Variants in C12orf76 observed in about 807,000 individuals in gnomAD.
C12orf76 encodes chromosome 12 open reading frame 76, also known as uncharacterized protein C12orf76.
A neutral mutation model predicts 6.8 loss-of-function variants in C12orf76; 6 were observed. That is an observed-to-expected ratio of 0.88 (90% CI 0.48 to 1.73). The LOEUF is 1.73. C12orf76 is among the 40% of genes most tolerant of loss of function. The pLI, the probability that C12orf76 is intolerant of heterozygous loss-of-function variation, is 0.01. For synonymous variants in C12orf76, 56 were observed against 43.7 expected, an observed-to-expected ratio of 1.28 and a Z score of -1.11; for missense variants, 99 against 98.2, an observed-to-expected ratio of 1.01 and a Z score of -0.03.
Position 110,072,836 on chromosome 12 carries a change from G to A in C12orf76, n.213+586C>T, listed in dbSNP as rs186316363. 3.3e-3 allele frequency among the ~76,000 whole-genome samples: 505 copies of A among 151,776 alleles called. 5 individuals are homozygous for A. Among genetic ancestry groups the A allele is most frequent in the African/African-American group, 0.01 (421 of 41,378 alleles). ...TTACTTGGTGGCGGGGGAGGATAGC[G>A]TGTGGGCAGGTGGAGGCAGGCGAAT... On this transcript the variant is annotated intron_variant and non_coding_transcript_variant, in intron 1 of 1. Coordinates refer to the C12orf76 transcript ENST00000548936.
chr12:110,068,289 G>GAAGAAA (rs1892910148), upstream of C12orf76, among the ~76,000 whole-genome samples: 3 of 144,430 alleles, frequency 2.1e-5, 1 homozygote, highest in South Asian at 4.5e-4. Context: ...AGAAGAAGAA[G>GAAGAAA]AAGAAGAAGA....
At chr12:110,051,864 C>CCCA (rs111520344), upstream of C12orf76, among the ~76,000 whole-genome samples, 435 of 151,938 alleles carry the variant, frequency 2.9e-3, 2 homozygotes, top group African/African-American at 9.9e-3. Context: ...TCCAGAAACA[C>CCCA]CCACCTGCTT....
chr12:110,068,313 G>GAAGAAGAAGAAA (rs1342476917), upstream of C12orf76, among the ~76,000 whole-genome samples: 106 of 145,878 alleles, frequency 7.3e-4, no homozygotes, highest in African/African-American at 2.6e-3. Flanking sequence ...AGAAGAAGAA[G>GAAGAAGAAGAAA]AAGAAGAAGA....
At position 110,042,327 on chromosome 12, in the gene C12orf76, A is replaced by C. The variant is rs1456804871; in HGVS notation, c.*47T>G. ...ACTTCTCCACTGGCCTGTGTGCAAC[A>C]CAACTTATCCTATTCCCAAATACTC... On this transcript the variant is annotated 3_prime_UTR_variant, in exon 2 of 2. Coordinates refer to ENST00000615315, the MANE Select transcript of C12orf76 (RefSeq NM_001389625.1). 6.5e-7 allele frequency: 1 copy of C among 1,536,404 alleles called. No individual in the cohort carries two copies. The highest frequency in any genetic ancestry group is 9.0e-7 in the Non-Finnish European group (1 of 1,110,348).
upstream of C12orf76, among the ~76,000 whole-genome samples, chr12:110,070,237 CAAA>C (rs777312169): frequency 9.6e-6 from 1 of 103,900 alleles, no homozygotes. Flanking sequence ...GACCCCATTT[CAAA>C]AAAAAAAAAA....
intron 1 of C12orf76, among the ~76,000 whole-genome samples, chr12:110,043,845 ACT>A (rs1010281805): frequency 4.7e-5 from 6 of 127,212 alleles, no homozygotes; most frequent in African/African-American, 1.5e-4. Context: ...ATAGAGGGAG[ACT>A]CTGTCTCAAA....
chr12:110,064,940 C>A (rs1421777697), intron 2 of C12orf76, among the ~76,000 whole-genome samples: 2 of 152,150 alleles, frequency 1.3e-5, no homozygotes, highest in African/African-American at 4.8e-5. Context: ...GATACCAAGG[C>A]AGCTTTTCAT....
At chr12:110,063,429 C>T (rs937763594) in intron 2 of C12orf76, among the ~76,000 whole-genome samples, 1 of 149,648 alleles carries the variant, frequency 6.7e-6, no homozygotes, top group South Asian at 2.1e-4. Context: ...ATTACAGGTG[C>T]CTACCACTAC....
At chr12:110,072,633 C>T, upstream of C12orf76, among the ~76,000 whole-genome samples, 1 of 151,428 alleles carries the variant, frequency 6.6e-6, no homozygotes, top group East Asian at 2.0e-4. Context: ...TTAGAAAAAA[C>T]AAAAACCAGC....
chr12:110,042,674 G>T (rs1232251812), intron 1 of C12orf76: 4 of 516,036 alleles, frequency 7.8e-6, no homozygotes, highest in Admixed American at 2.9e-5. Context: ...GATATACCGT[G>T]AAAAAAAAAA....
At chr12:110,057,115 G>T in intron 4 of C12orf76, 1 of 994,124 alleles carries the variant, frequency 1.0e-6, no homozygotes, top group Non-Finnish European at 1.6e-6. Context: ...TGGAGACGAA[G>T]GTGTCCACCA....
At chr12:110,067,145 A>G (rs1488819780) in intron 1 of C12orf76, among the ~76,000 whole-genome samples, 1 of 152,178 alleles carries the variant, frequency 6.6e-6, no homozygotes, top group Non-Finnish European at 1.5e-5. Context: ...CAATCTTCCC[A>G]TGGCTTCTCA....
At position 110,042,530 on chromosome 12, in the gene C12orf76, G is replaced by T. The variant is rs577827784; in HGVS notation, c.134-71C>A. On this transcript the variant is annotated intron_variant, in intron 1 of 1. Transcript: ENST00000615315. Reference sequence around the variant, plus strand: ...GGCAATTCATCCACTCACTGCCAATGATTTATCAAATGCCACTTGCTGCCA... The same window carrying T: ...GGCAATTCATCCACTCACTGCCAATTATTTATCAAATGCCACTTGCTGCCA... 28 of 978,898 alleles carry T rather than the reference G, an allele frequency of 2.9e-5. No homozygotes were observed. In the African/African-American group the frequency reaches 4.1e-4, roughly 14 times the overall value. The allele number at this position is 978,898 out of a possible 1,614,324, so 60.6% of individuals were successfully genotyped here.
chr12:110,060,582 A>C (rs1892752929), intron 2 of C12orf76, among the ~76,000 whole-genome samples: 1 of 152,076 alleles, frequency 6.6e-6, no homozygotes, highest in South Asian at 2.1e-4. Flanking sequence ...ACTCCTTCTC[A>C]GAATCCTTTG....
chr12:110,054,065 AC>A (rs775146177), upstream of C12orf76, among the ~76,000 whole-genome samples: 57 of 152,188 alleles, frequency 3.7e-4, no homozygotes, highest in Admixed American at 7.2e-4. The surrounding 1 kb of genome is among the most constrained non-coding windows in gnomAD (Gnocchi z 4.4). Context: ...ACAGAGCAAG[AC>A]CCTGTCTCAA....
upstream of C12orf76, among the ~76,000 whole-genome samples, chr12:110,068,311 AAGAAG>A (rs1892913062): frequency 6.9e-6 from 1 of 144,894 alleles, no homozygotes; most frequent in African/African-American, 2.5e-5. Context: ...GAAGAAGAAG[AAGAAG>A]AAGAAGAAGA....
upstream of C12orf76, among the ~76,000 whole-genome samples, chr12:110,068,205 A>C (rs530857024): frequency 6.6e-6 from 1 of 151,190 alleles, no homozygotes; most frequent in Non-Finnish European, 1.5e-5. Flanking sequence ...ACTCCGTCTC[A>C]AAAAAGAAGA....
intron 1 of C12orf76, among the ~76,000 whole-genome samples, chr12:110,066,679 ACT>A (rs1892870278): frequency 1.3e-5 from 2 of 149,010 alleles, no homozygotes; most frequent in African/African-American, 2.4e-5. Context: ...CAAGAGCAAA[ACT>A]CTGTCTCAAA....
upstream of C12orf76, among the ~76,000 whole-genome samples, chr12:110,072,376 G>A (rs1450280674): frequency 1.3e-5 from 2 of 152,144 alleles, no homozygotes; most frequent in Admixed American, 6.5e-5. Flanking sequence ...CATATTGTGT[G>A]AGTCCATTTA....
Sources: gnomAD v4.1 joint callset for allele counts (sites outside exome capture counted in the v4.1 genomes callset) on GRCh38, gnomAD v4.1.1 for gene constraint, Gnocchi (gnomAD v3.1) non-coding constraint, MANE v1.5 for transcripts, NCBI Gene and HGNC (gene_info 2026-07-23, HGNC 2026-07-21) for gene names.